PNPLA5: variants seen among roughly 807,000 people sequenced by gnomAD.
PNPLA5 encodes patatin-like phospholipase domain-containing protein 5.
In PNPLA5, 44 loss-of-function variants were observed where a neutral mutation model predicts 49.1. That is an observed-to-expected ratio of 0.90 (90% CI 0.70 to 1.15). PNPLA5 has a LOEUF of 1.15. PNPLA5 is among the 50% of genes most tolerant of loss of function. The probability of loss-of-function intolerance (pLI) is 0.00; values close to 1 mark genes in which losing one functional copy is unlikely to be tolerated. For synonymous variants in PNPLA5, 243 were observed against 244.4 expected (o/e 0.99, Z 0.06); for missense variants, 603 against 564.0 (o/e 1.07, Z -0.70).
In PNPLA5 at chr22:43,889,820, G is replaced by C; in HGVS notation, c.471C>G (p.Ile157Met). 6.2e-7 allele frequency: 1 copy of C among 1,613,350 alleles called. No homozygotes were observed. The highest frequency in any genetic ancestry group is 8.5e-7 in the Non-Finnish European group (1 of 1,179,790). Reference sequence around the variant, plus strand: ...TCACCTCCCCTCTGAACTCGGGGGGGATCAGCCCGCAGTAGAAAGGAAAGT... The same window carrying C: ...TCACCTCCCCTCTGAACTCGGGGGGCATCAGCCCGCAGTAGAAAGGAAAGT... ...TLYFPFYCGL[I>M]PPEFRGERYI... is the part of the protein sequence containing the mutation. Residue 157 changes from isoleucine (I) to methionine (M), a missense_variant, in exon 3 of 9, where the codon ATC becomes ATG. Coordinates refer to ENST00000216177, the MANE Select transcript of PNPLA5 (RefSeq NM_138814.4).
At chr22:43,882,535 C>T (rs2049621197) in intron 7 of PNPLA5, among the ~76,000 whole-genome samples, 1 of 152,266 alleles carries the variant, frequency 6.6e-6, no homozygotes, top group Non-Finnish European at 1.5e-5. Flanking sequence ...TGCTCTGGAC[C>T]TCCTGCCTCT....
intron 3 of PNPLA5, 119 bp from the exon 4 acceptor site, chr22:43,889,657 C>T: frequency 6.6e-7 from 1 of 1,520,620 alleles, no homozygotes; most frequent in Non-Finnish European, 8.8e-7. Context: ...GCCCAGGAGG[C>T]TGAACGCCCC....
chr22:43,886,061 C>T (rs2049660667), intron 6 of PNPLA5, among the ~76,000 whole-genome samples: 1 of 152,212 alleles, frequency 6.6e-6, no homozygotes, highest in Non-Finnish European at 1.5e-5. Flanking sequence ...CTTCCTTTCT[C>T]TGAGGTTTGG....
chr22:43,891,945 G>A lies in PNPLA5; in HGVS notation c.-65C>T, dbSNP rs2049731050. The A allele has an allele frequency of 1.5e-5, 21 of 1,443,514 alleles. No individual in the cohort carries two copies. The highest frequency in any genetic ancestry group is 1.5e-5 in the African/African-American group (1 of 67,078). 89.4% of individuals were successfully genotyped at this position (1,443,514 alleles called of 1,614,324 possible). On this transcript the variant is annotated 5_prime_UTR_variant, in exon 1 of 9. Coordinates refer to ENST00000216177, the MANE Select transcript of PNPLA5 (RefSeq NM_138814.4). The stretch of plus-strand genomic sequence containing the variant: ...TCACTCCGTGACCCGGGATAGGGCC[G>A]GGATGCAGCCTTGGACGGGGCTGGG...
chr22:43,891,429 C>T, intron 1 of PNPLA5, 135 bp from the exon 2 acceptor site: 1 of 1,406,102 alleles, frequency 7.1e-7, no homozygotes, highest in Middle Eastern at 2.6e-4. Context: ...GGCTCGGCCC[C>T]GGATTCAAAT....
In PNPLA5 at chr22:43,889,324, C is replaced by A. The variant is rs779185592; in HGVS notation, c.702+5G>T. The A allele has an allele frequency of 1.2e-6, 2 of 1,613,374 alleles. No homozygotes were observed. The highest frequency in any genetic ancestry group is 1.3e-5 in the African/African-American group (1 of 74,880). The stretch of plus-strand genomic sequence containing the variant: ...CCTCTAACACCATCACAGGGCCAGA[C>A]CTACCTCGAGGCTGGGGGGTATGAG... On this transcript the variant is annotated splice_donor_5th_base_variant and intron_variant, in intron 4 of 8. Coordinates refer to ENST00000216177, the MANE Select transcript of PNPLA5 (RefSeq NM_138814.4).
chr22:43,884,438 C>G, intron 6 of PNPLA5, 93 bp from the exon 7 acceptor site: 1 of 1,407,806 alleles, frequency 7.1e-7, no homozygotes, highest in Non-Finnish European at 9.3e-7. Context: ...AGACTGCACC[C>G]CCTCCACCTT....
intron 2 of PNPLA5, 70 bp downstream of exon 2, chr22:43,890,992 A>T (rs1352247149): frequency 6.5e-7 from 1 of 1,544,318 alleles, no homozygotes; most frequent in South Asian, 1.2e-5. Flanking sequence ...ACGGGGAAGT[A>T]CCTGGATGTC....
intron 7 of PNPLA5, 100 bp downstream of exon 7, chr22:43,884,113 C>G: frequency 1.1e-6 from 1 of 907,184 alleles, no homozygotes; most frequent in Non-Finnish European, 1.5e-6. Flanking sequence ...CCCCACCCCG[C>G]CGAGCCCTAC....
chr22:43,885,436 C>T (rs1369242029), intron 6 of PNPLA5, among the ~76,000 whole-genome samples: 2 of 151,348 alleles, frequency 1.3e-5, no homozygotes, highest in Non-Finnish European at 2.9e-5. Context: ...TCACTTGCTC[C>T]TCCCACAGCT....
intron 2 of PNPLA5, 171 bp from the exon 3 acceptor site, chr22:43,890,035 G>A: frequency 7.2e-7 from 1 of 1,397,922 alleles, no homozygotes; most frequent in Non-Finnish European, 9.4e-7. Flanking sequence ...AGGGAAGCAG[G>A]GATTGGAGCA....
chr22:43,888,537 C>A (rs1480819926), intron 4 of PNPLA5, among the ~76,000 whole-genome samples: 8 of 147,346 alleles, frequency 5.4e-5, no homozygotes, highest in South Asian at 2.2e-4. Flanking sequence ...CAGGTTCAAG[C>A]AATTCTCTTG....
At chr22:43,886,768 C>T (rs868537968) in intron 5 of PNPLA5, among the ~76,000 whole-genome samples, 16 of 152,170 alleles carry the variant, frequency 1.1e-4, no homozygotes, top group African/African-American at 3.9e-4. Context: ...TGACCCAATG[C>T]CCTTTGCCTC....
intron 7 of PNPLA5, among the ~76,000 whole-genome samples, chr22:43,883,502 G>T (rs1478136082): frequency 6.6e-6 from 1 of 152,210 alleles, no homozygotes; most frequent in East Asian, 1.9e-4. Flanking sequence ...GGCCTGGCTT[G>T]GAAGGGGCTT....
intron 6 of PNPLA5, 49 bp downstream of exon 6, chr22:43,886,254 C>T (rs755782643): frequency 2.6e-6 from 4 of 1,557,410 alleles, no homozygotes; most frequent in Non-Finnish European, 3.5e-6. Flanking sequence ...AGCCCGGGCC[C>T]CTGAGTGCAG....
intron 5 of PNPLA5, among the ~76,000 whole-genome samples, chr22:43,887,064 C>T (rs1411319629): frequency 7.5e-6 from 1 of 133,948 alleles, no homozygotes; most frequent in Non-Finnish European, 1.6e-5. Flanking sequence ...CACCCACTGC[C>T]CCATGAACAC....
intron 1 of PNPLA5, 139 bp downstream of exon 1, chr22:43,891,549 G>T: frequency 7.8e-7 from 1 of 1,289,760 alleles, no homozygotes; most frequent in Non-Finnish European, 1.0e-6. Flanking sequence ...CCCAGCACTC[G>T]GTGTTCTCAT....
Position 43,879,909 on chromosome 22 carries a change from C to T in PNPLA5, c.*886G>A, listed in dbSNP as rs2049591501. The T allele has an allele frequency of 6.6e-6, 1 of 152,378 alleles. No homozygotes were observed. The highest frequency in any genetic ancestry group is 2.1e-4 in the South Asian group (1 of 4,836). The allele number at this position is 152,378 out of a possible 1,614,324, so 9.4% of individuals were successfully genotyped here. ...GTCTTGCTATGCTGCCCAGGCTGGT[C>T]ATTTTTCTCTTTAGTTCCCACGTGT... On this transcript the variant is annotated 3_prime_UTR_variant, in exon 9 of 9. Coordinates refer to ENST00000216177, the MANE Select transcript of PNPLA5 (RefSeq NM_138814.4).
rs1048703606 is a variant in PNPLA5 at position 43,891,225 on chromosome 22, G to C, written c.263C>G (p.Pro88Arg). Residue 88 changes from proline to arginine, a missense_variant, in exon 2 of 9, where the codon CCG becomes CGG. Pro to Arg is a moderately radical substitution (Grantham distance 103, BLOSUM62 -2). Transcript: ENST00000216177. ...LERLSLSILHPAYAPIEHVKQ... is the reference protein window; with the variant it reads ...LERLSLSILHRAYAPIEHVKQ... ...GACGTGCTCGATGGGCGCGTAGGCCGGGTGCAGGATGCTTAGGCTCAGCCG... is the reference window on the plus strand; with the variant it reads ...GACGTGCTCGATGGGCGCGTAGGCCCGGTGCAGGATGCTTAGGCTCAGCCG... 1.3e-6 allele frequency: 2 copies of C among 1,574,312 alleles called. No homozygotes were observed. Among genetic ancestry groups the C allele is most frequent in the Non-Finnish European group, 1.7e-6 (2 of 1,156,684 alleles).
Sources: allele counts gnomAD v4.1 joint callset (sites outside exome capture counted in the v4.1 genomes callset), GRCh38; gene constraint gnomAD v4.1.1; transcripts MANE v1.5; gene names NCBI Gene and HGNC (gene_info 2026-07-23, HGNC 2026-07-21).